Variants in N4BP2 observed in about 807,000 individuals in gnomAD.
N4BP2 encodes the protein NEDD4 binding protein 2.
In N4BP2, 91 loss-of-function variants were observed where a neutral mutation model predicts 152.8. That is an observed-to-expected ratio of 0.60 (90% CI 0.50 to 0.71). The LOEUF (loss-of-function observed/expected upper bound fraction) is 0.71, where lower values mean the gene tolerates loss of function less well. Ranked by LOEUF, N4BP2 falls within the 30% of genes least tolerant of loss-of-function variation. The probability of loss-of-function intolerance (pLI) is 0.00; values close to 1 mark genes in which losing one functional copy is unlikely to be tolerated. For missense variants in N4BP2, 1,923 were observed against 2,059.1 expected, an observed-to-expected ratio of 0.93 and a Z score of 1.28; for synonymous variants, 646 against 705.3, an observed-to-expected ratio of 0.92 and a Z score of 1.33.
rs1276772577 is a variant in N4BP2 at position 40,144,793 on chromosome 4, G to A, written c.5136G>A (p.Lys1712=). 1 of 1,609,950 alleles carries A rather than the reference G, an allele frequency of 6.2e-7. No individual in the cohort carries two copies. The highest frequency in any genetic ancestry group is 8.5e-7 in the Non-Finnish European group (1 of 1,178,140). Reference sequence around the variant, plus strand: ...ATTTGATGAGAGTTTTAGAGAAGAAGACTGAAGGTAGGACTGTGGTAATCA... The same window carrying A: ...ATTTGATGAGAGTTTTAGAGAAGAAAACTGAAGGTAGGACTGTGGTAATCA... ...LEHLMRVLEK[K]TEEFKQNGGK... The change falls in exon 16 of 18, where the codon AAG becomes AAA. Residue 1712 remains lysine (K), a synonymous_variant. Transcript: ENST00000261435.
At chr4:40,172,052 A>G in the N4BP2 span, among the ~76,000 whole-genome samples, 2 of 152,072 alleles carry the variant, frequency 1.3e-5, no homozygotes, top group Admixed American at 6.5e-5. Flanking sequence ...GATTATAGGC[A>G]TGCGCCACCA....
At chr4:40,105,024 G>T (rs988772319) in intron 4 of N4BP2, among the ~76,000 whole-genome samples, 3 of 152,008 alleles carry the variant, frequency 2.0e-5, no homozygotes, top group Non-Finnish European at 2.9e-5. Context: ...GGATGGTCTT[G>T]ATCTCCTGAC....
the N4BP2 span, among the ~76,000 whole-genome samples, chr4:40,179,759 C>CT: frequency 0.042 from 4,564 of 109,024 alleles, 122 homozygotes; most frequent in Non-Finnish European, 0.05. Context: ...TAAAGCCTTT[C>CT]TTTTTTTTTT....
intron 2 of N4BP2, among the ~76,000 whole-genome samples, chr4:40,087,418 C>T (rs1223480650): frequency 6.6e-6 from 1 of 152,060 alleles, no homozygotes; most frequent in Non-Finnish European, 1.5e-5. Context: ...GGCTGGAGAG[C>T]AGTGGCTTGA....
chr4:40,144,846 G>A (rs756744704), intron 16 of N4BP2, 46 bp downstream of exon 16: 3 of 1,478,552 alleles, frequency 2.0e-6, no homozygotes, highest in Non-Finnish European at 2.7e-6. Context: ...ATATGTCTTT[G>A]CTTATATTGG....
At position 40,154,394 on chromosome 4, in the gene N4BP2, G is replaced by A. The variant is rs1409266028; in HGVS notation, c.*157G>A. 1 of 495,918 alleles carries A rather than the reference G, an allele frequency of 2.0e-6. No individual in the cohort carries two copies. The highest frequency in any genetic ancestry group is 2.0e-5 in the African/African-American group (1 of 49,444). 30.7% of individuals were successfully genotyped at this position (495,918 alleles called of 1,614,324 possible). A position where few individuals can be genotyped will look rare whatever the true frequency, so the allele number is the denominator to read the frequency against. On this transcript the variant is annotated 3_prime_UTR_variant, in exon 18 of 18. Coordinates refer to ENST00000261435, the MANE Select transcript of N4BP2 (RefSeq NM_018177.6). Reference sequence around the variant, plus strand: ...ATGATGTTTTTCAAAATGCAAGTGAGGTTTGATTTTTTACTGAATCAAATG... The same window carrying A: ...ATGATGTTTTTCAAAATGCAAGTGAAGTTTGATTTTTTACTGAATCAAATG...
intron 1 of N4BP2, among the ~76,000 whole-genome samples, chr4:40,062,736 CTGTCTGGAATACCT>C (rs944275898): frequency 6.6e-6 from 1 of 152,084 alleles, no homozygotes; most frequent in Non-Finnish European, 1.5e-5. Context: ...AAGCTTCTAT[CTGTCTGGAATACCT>C]TTCCTAGTTT....
chr4:40,123,062 T>C, intron 9 of N4BP2, 65 bp from the exon 10 acceptor site: 1 of 1,012,802 alleles, frequency 9.9e-7, no homozygotes. Flanking sequence ...GGTGGTTTAG[T>C]ATGTTTTCTG....
At chr4:40,106,831 CT>C in intron 4 of N4BP2, 68 bp from the exon 5 acceptor site, 1 of 1,462,730 alleles carries the variant, frequency 6.8e-7, no homozygotes, top group Non-Finnish European at 9.4e-7. Context: ...TTGTTTATGA[CT>C]TTGGAAAAAT....
chr4:40,093,470 G>A (rs980855032), intron 2 of N4BP2, among the ~76,000 whole-genome samples: 30 of 149,428 alleles, frequency 2.0e-4, no homozygotes, highest in Admixed American at 6.7e-5. Context: ...GCAGTGGCTC[G>A]ATCTTAGCTC....
Position 40,103,103 on chromosome 4 carries a change from T to C in N4BP2, c.1258T>C (p.Tyr420His), listed in dbSNP as rs780145206. ...VWRNKDGTSA[Y>H]QVQETPVSQV... ...GAGAAATAAAGATGGAACAAGTGCT[T>C]ATCAAGTACAAGAAACCCCAGTTTC... The change falls in exon 4 of 18, where the codon TAT (tyrosine) becomes CAT (histidine). Residue 420 changes from tyrosine (Y) to histidine (H), a missense_variant. Coordinates refer to ENST00000261435, the MANE Select transcript of N4BP2 (RefSeq NM_018177.6). 5.0e-6 allele frequency: 8 copies of C among 1,614,068 alleles called. No homozygotes were observed. The East Asian group carries it at 1.8e-4, about 36-fold the overall frequency.
At chr4:40,109,907 T>C (rs1265157710) in intron 5 of N4BP2, among the ~76,000 whole-genome samples, 1 of 152,246 alleles carries the variant, frequency 6.6e-6, no homozygotes, top group Non-Finnish European at 1.5e-5. Context: ...CATTCGTTAA[T>C]ACACTCTATT....
At chr4:40,159,286 A>G (rs1721792309), downstream of N4BP2, among the ~76,000 whole-genome samples, 1 of 152,234 alleles carries the variant, frequency 6.6e-6, no homozygotes, top group Admixed American at 6.5e-5. Context: ...CCTACCATTT[A>G]TGATTCTGCC....
the N4BP2 span, among the ~76,000 whole-genome samples, chr4:40,183,885 A>G: frequency 6.6e-6 from 1 of 152,084 alleles, no homozygotes; most frequent in Non-Finnish European, 1.5e-5. Flanking sequence ...AAGGCATCTA[A>G]TTCTCCACGG....
chr4:40,188,050 A>G, the N4BP2 span, among the ~76,000 whole-genome samples: 4 of 152,224 alleles, frequency 2.6e-5, no homozygotes, highest in Admixed American at 1.3e-4. Context: ...AACAACAACA[A>G]CAAAAGAAAA....
the N4BP2 span, among the ~76,000 whole-genome samples, chr4:40,169,154 G>C: frequency 1.5e-4 from 23 of 151,976 alleles, no homozygotes; most frequent in Non-Finnish European, 2.5e-4. Context: ...AGGCCAAGGC[G>C]GGGGGATCAT....
intron 16 of N4BP2, among the ~76,000 whole-genome samples, chr4:40,146,292 T>C (rs1376627713): frequency 6.6e-6 from 1 of 152,182 alleles, no homozygotes; most frequent in Non-Finnish European, 1.5e-5. Flanking sequence ...TGTGTTTTTT[T>C]CTCCTTTTCT....
chr4:40,115,686 T>A (rs1717279146), intron 7 of N4BP2, among the ~76,000 whole-genome samples: 1 of 152,236 alleles, frequency 6.6e-6, no homozygotes, highest in South Asian at 2.1e-4. Context: ...TTTATAAAAA[T>A]TGGTTTTCAA....
chr4:40,115,631 G>A (rs1717273512), intron 7 of N4BP2, among the ~76,000 whole-genome samples: 3 of 151,700 alleles, frequency 2.0e-5, no homozygotes, highest in Admixed American at 2.0e-4. Flanking sequence ...CTTGGGTTAT[G>A]TCGTACTGTG....
Sources: allele counts gnomAD v4.1 joint callset (sites outside exome capture counted in the v4.1 genomes callset), GRCh38; gene constraint gnomAD v4.1.1; transcripts MANE v1.5; gene names NCBI Gene and HGNC (gene_info 2026-07-23, HGNC 2026-07-21).